Variants in SEL1L3 observed in about 807,000 individuals in gnomAD.
SEL1L3 encodes protein sel-1 homolog 3.
Under a neutral mutation model 142.8 loss-of-function variants are expected in SEL1L3, and 76 were observed. That is an observed-to-expected ratio of 0.53 (90% CI 0.44 to 0.64). The LOEUF (loss-of-function observed/expected upper bound fraction) is 0.64. Ranked by LOEUF, SEL1L3 falls within the 30% of genes least tolerant of loss-of-function variation. The pLI is 0.00. For missense variants in SEL1L3, 1,262 were observed against 1,381.7 expected (o/e 0.91, Z 1.37); for synonymous variants, 504 against 519.6 (o/e 0.97, Z 0.41).
Position 25,830,096 on chromosome 4 carries a change from AC to A in SEL1L3, c.1157+1del. 1 of 1,604,626 alleles carries A rather than the reference AC, an allele frequency of 6.2e-7. No individual in the cohort carries two copies. The highest frequency in any genetic ancestry group is 8.5e-7 in the Non-Finnish European group (1 of 1,171,748). On this transcript the variant is annotated splice_donor_variant, in intron 6 of 23. Transcript: ENST00000399878. LOFTEE classifies it high-confidence loss of function. Reference sequence around the variant, plus strand: ...TTGAATAAAAAGAAAAATCGCACTTACCTAATGGTCTGATTGTGGTAGCTTT... The same window carrying A: ...TTGAATAAAAAGAAAAATCGCACTTACTAATGGTCTGATTGTGGTAGCTTT...
the SEL1L3 span, among the ~76,000 whole-genome samples, chr4:25,739,375 T>C: frequency 2.6e-5 from 4 of 151,956 alleles, no homozygotes; most frequent in Non-Finnish European, 1.5e-5. Flanking sequence ...AACTATCTGG[T>C]CCAAAATGTG....
chr4:25,768,085 A>G (rs564222804), intron 17 of SEL1L3, among the ~76,000 whole-genome samples: 1 of 152,316 alleles, frequency 6.6e-6, no homozygotes, highest in South Asian at 2.1e-4. Flanking sequence ...GCTGAAGGGC[A>G]TGTCGGATGT....
intron 11 of SEL1L3, among the ~76,000 whole-genome samples, chr4:25,797,329 G>T (rs1252491567): frequency 6.6e-6 from 1 of 152,172 alleles, no homozygotes; most frequent in Non-Finnish European, 1.5e-5. Context: ...ACAGGCAGTT[G>T]TGGAGCCTGC....
At chr4:25,733,351 C>T in the SEL1L3 span, among the ~76,000 whole-genome samples, 1 of 151,716 alleles carries the variant, frequency 6.6e-6, no homozygotes, top group African/African-American at 2.4e-5. Flanking sequence ...TTTGTTATCC[C>T]TCAGTATTTC....
intron 23 of SEL1L3, chr4:25,756,166 G>A (rs972438080): frequency 5.1e-6 from 5 of 985,414 alleles, no homozygotes; most frequent in Non-Finnish European, 6.0e-6. Context: ...CCAATGCCAT[G>A]TCCAGTCCTA....
intron 17 of SEL1L3, among the ~76,000 whole-genome samples, chr4:25,771,911 C>G (rs1378626333): frequency 6.6e-6 from 1 of 152,226 alleles, no homozygotes; most frequent in Non-Finnish European, 1.5e-5. Context: ...AAAGCCCTTT[C>G]CTTAATCATG....
Position 25,832,998 on chromosome 4 carries a change from G to T in SEL1L3, c.1095C>A (p.Gly365=). ...GATGAAGCGTGCATACAGATACCTG[G>T]CCTCCGTTAAAAGAGATATCCAGTC... ...WFRLDISFNG[G]QIVVTTSIGQ... is the part of the protein sequence containing the mutation. Residue 365 remains glycine, a synonymous_variant, in exon 5 of 24, where the codon GGC becomes GGA. Transcript: ENST00000399878. The T allele has an allele frequency of 6.4e-7, 1 of 1,569,980 alleles. No individual in the cohort carries two copies. Among genetic ancestry groups the T allele is most frequent in the Non-Finnish European group, 8.8e-7 (1 of 1,140,098 alleles).
At chr4:25,762,354 G>T (rs1718428656) in intron 20 of SEL1L3, among the ~76,000 whole-genome samples, 1 of 152,188 alleles carries the variant, frequency 6.6e-6, no homozygotes, top group Admixed American at 6.5e-5. Flanking sequence ...ATTCATTGTA[G>T]CACTAGCTGT....
the SEL1L3 span, among the ~76,000 whole-genome samples, chr4:25,730,075 C>T: frequency 7.4e-6 from 1 of 135,608 alleles, no homozygotes; most frequent in Admixed American, 7.6e-5. Context: ...TCTCCTGCCT[C>T]AGCACCCGCC....
intron 5 of SEL1L3, among the ~76,000 whole-genome samples, chr4:25,831,440 C>T (rs977515599): frequency 6.6e-6 from 1 of 150,702 alleles, no homozygotes. Flanking sequence ...GCATAAAATG[C>T]TATCTCCCTT....
chr4:25,828,226 T>A (rs1282637323), intron 6 of SEL1L3, among the ~76,000 whole-genome samples: 1 of 152,152 alleles, frequency 6.6e-6, no homozygotes, highest in African/African-American at 2.4e-5. Flanking sequence ...AATCCAGCCA[T>A]GAAAATAAGA....
At chr4:25,823,949 A>G (rs1714932388) in intron 6 of SEL1L3, among the ~76,000 whole-genome samples, 1 of 152,208 alleles carries the variant, frequency 6.6e-6, no homozygotes, top group South Asian at 2.1e-4. Context: ...GAGACAATGA[A>G]GCAAAGCACA....
intron 23 of SEL1L3, 63 bp from the exon 24 acceptor site, chr4:25,748,627 C>T: frequency 6.5e-7 from 1 of 1,543,294 alleles, no homozygotes; most frequent in Non-Finnish European, 8.8e-7. Context: ...AATGTACAAC[C>T]ACACCTAGAG....
At chr4:25,741,593 T>C in the SEL1L3 span, among the ~76,000 whole-genome samples, 1 of 152,288 alleles carries the variant, frequency 6.6e-6, no homozygotes, top group African/African-American at 2.4e-5. Flanking sequence ...TTGTGGTTGA[T>C]TAACATACAT....
At chr4:25,809,723 T>C (rs1713887902) in intron 9 of SEL1L3, among the ~76,000 whole-genome samples, 1 of 152,242 alleles carries the variant, frequency 6.6e-6, no homozygotes, top group Non-Finnish European at 1.5e-5. Flanking sequence ...GTTTGTTTTC[T>C]TGGTGTCTCT....
chr4:25,847,867 G>A lies in SEL1L3; in HGVS notation c.163-3C>T. 2.7e-6 allele frequency: 4 copies of A among 1,496,708 alleles called. No homozygotes were observed. Among genetic ancestry groups the A allele is most frequent in the Non-Finnish European group, 3.6e-6 (4 of 1,118,110 alleles). 92.7% of individuals were successfully genotyped at this position (1,496,708 alleles called of 1,614,324 possible). On this transcript the variant is annotated splice_region_variant and splice_polypyrimidine_tract_variant and intron_variant, in intron 1 of 23. Transcript: ENST00000399878. ...CTACCCAAAGATGGTACAACATTCTGAAAAAAAGAAAAAGAAAGTAAGAAA... is the reference window on the plus strand; with the variant it reads ...CTACCCAAAGATGGTACAACATTCTAAAAAAAAGAAAAAGAAAGTAAGAAA...
At chr4:25,797,348 C>T (rs551785918) in intron 11 of SEL1L3, among the ~76,000 whole-genome samples, 9 of 152,156 alleles carry the variant, frequency 5.9e-5, no homozygotes, top group African/African-American at 9.7e-5. Flanking sequence ...GCACTTCAAC[C>T]GCTCACCTCA....
intron 2 of SEL1L3, among the ~76,000 whole-genome samples, chr4:25,837,120 C>CCCAAGTCTATG (rs1455313356): frequency 6.6e-6 from 1 of 151,644 alleles, no homozygotes; most frequent in Non-Finnish European, 1.5e-5. Context: ...ACTGGACTTG[C>CCCAAGTCTATG]TGGTCTATGA....
At chr4:25,746,072 G>A (rs1405493623), downstream of SEL1L3, among the ~76,000 whole-genome samples, 1 of 152,140 alleles carries the variant, frequency 6.6e-6, no homozygotes, top group Non-Finnish European at 1.5e-5. Flanking sequence ...TGTTGGAGGT[G>A]GGCCTTGGCA....
Sources: allele counts gnomAD v4.1 joint callset (sites outside exome capture counted in the v4.1 genomes callset), GRCh38; gene constraint gnomAD v4.1.1; transcripts MANE v1.5; gene names NCBI Gene and HGNC (gene_info 2026-07-23, HGNC 2026-07-21).